Variants in SHOX observed in about 807,000 individuals in gnomAD.
SHOX encodes the protein SHOX homeobox.
Under a neutral mutation model 29.6 loss-of-function variants are expected in SHOX, and 12 were observed. The ratio of observed to expected loss-of-function variants is 0.41; its 90% CI spans 0.26 to 0.66. The LOEUF is 0.66. SHOX is among the 30% of genes least tolerant of loss of function. The pLI is 0.35. For missense variants in SHOX, 499 were observed against 437.7 expected (o/e 1.14, Z -1.25); for synonymous variants, 214 against 200.6 (o/e 1.07, Z -0.57).
chrX:638,972 CAGGGAGGTGGTGGTGGGGGAG>C (rs1569494373), intron 2 of SHOX, among the ~76,000 whole-genome samples: 1 of 152,056 alleles, frequency 6.6e-6, no homozygotes, highest in Non-Finnish European at 1.5e-5. Flanking sequence ...CTAAGACTGT[CAGGGAGGTGGTGGTGGGGGAG>C]AGGAGGGGGT....
rs1227165878 is a variant in SHOX at position 646,415 on chromosome X, A to G, written c.*1779A>G. On this transcript the variant is annotated 3_prime_UTR_variant, in exon 5 of 5. Coordinates refer to ENST00000686671, the MANE Select transcript of SHOX (RefSeq NM_000451.4). ...GAGAAACTATCTTCTCCCAACATTTACTAACATCCACTGGTCAACTCTCTT... is the reference window on the plus strand; with the variant it reads ...GAGAAACTATCTTCTCCCAACATTTGCTAACATCCACTGGTCAACTCTCTT... 1 of 151,658 alleles carries G rather than the reference A, an allele frequency of 6.6e-6. No homozygotes were observed. The highest frequency in any genetic ancestry group is 1.5e-5 in the Non-Finnish European group (1 of 67,984). The allele number at this position is 151,658 out of a possible 1,614,324, so 9.4% of individuals were successfully genotyped here. A position where few individuals can be genotyped will look rare whatever the true frequency, so the allele number is the denominator to read the frequency against.
upstream of SHOX, among the ~76,000 whole-genome samples, chrX:629,726 G>A (rs887072547): frequency 1.3e-5 from 2 of 152,050 alleles, no homozygotes; most frequent in Admixed American, 6.6e-5. Context: ...GTGGGGTTAC[G>A]GGAGGAAGGG....
In SHOX at chrX:630,804, C is replaced by T; in HGVS notation, c.-94C>T. The T allele has an allele frequency of 1.4e-6, 2 of 1,480,960 alleles. No individual in the cohort carries two copies. The highest frequency in any genetic ancestry group is 3.4e-5 in the Admixed American group (2 of 58,112). 91.7% of individuals were successfully genotyped at this position (1,480,960 alleles called of 1,614,324 possible). On this transcript the variant is annotated 5_prime_UTR_variant, in exon 1 of 5. Transcript: ENST00000686671. ...CAATGGAAAGGCGTAAATAACAGCG[C>T]TGGTGATCCACCCGCGCGCACGGGC...
intron 1 of SHOX, among the ~76,000 whole-genome samples, chrX:625,052 T>TCC (rs1556451917): frequency 3.6e-4 from 23 of 64,180 alleles, no homozygotes; most frequent in Admixed American, 2.0e-3. Context: ...CCTCCCTCTG[T>TCC]TCCTTCCTCC....
intron 2 of SHOX, among the ~76,000 whole-genome samples, chrX:640,611 A>T (rs1459559453): frequency 6.6e-6 from 1 of 152,052 alleles, no homozygotes; most frequent in Non-Finnish European, 1.5e-5. Context: ...AAAACAAAAA[A>T]TCCAAAAAAA....
At chrX:655,612 CTCTATATATATA>C (rs1172908177), downstream of SHOX, among the ~76,000 whole-genome samples, 9 of 15,698 alleles carry the variant, frequency 5.7e-4, no homozygotes, top group African/African-American at 2.3e-3. Context: ...CTCTCTCTCT[CTCTATATATATA>C]TATATATATA....
At chrX:624,377 C>A (rs2052460710) in exon 1 of SHOX, 3 of 100,684 alleles carry the variant, frequency 3.0e-5, no homozygotes, top group African/African-American at 7.6e-5. Flanking sequence ...AGAACAGGGG[C>A]TCCCCACACT....
chrX:631,235 A>T (rs2052643428), intron 1 of SHOX, 61 bp downstream of exon 1: 13 of 1,590,014 alleles, frequency 8.2e-6, no homozygotes, highest in African/African-American at 1.3e-5. Context: ...CCTCCTCGCC[A>T]CGGAGTCGGC....
At chrX:642,948 A>G (rs375171276) in intron 4 of SHOX, among the ~76,000 whole-genome samples, 317 of 64,720 alleles carry the variant, frequency 4.9e-3, no homozygotes, top group Middle Eastern at 0.012. Flanking sequence ...AGAGGCTTGG[A>G]GACCTGGTGT....
At chrX:642,039 T>C (rs2052862561) in intron 4 of SHOX, among the ~76,000 whole-genome samples, 1 of 152,178 alleles carries the variant, frequency 6.6e-6, no homozygotes, top group African/African-American at 2.4e-5. Flanking sequence ...AGCGTGGATT[T>C]GGGGCTTCCA....
chrX:631,092 C>A lies in SHOX; in HGVS notation c.195C>A (p.His65Gln), dbSNP rs777056573. 1 of 1,613,774 alleles carries A rather than the reference C, an allele frequency of 6.2e-7. No individual in the cohort carries two copies. Among genetic ancestry groups the A allele is most frequent in the South Asian group, 1.1e-5 (1 of 91,072 alleles). ...SLQDITEGGGHCPVHLFKDHV... is the reference protein window; with the variant it reads ...SLQDITEGGGQCPVHLFKDHV... Reference sequence around the variant, plus strand: ...AGGACATCACGGAGGGCGGCGGCCACTGCCCGGTGCATTTGTTCAAGGACC... The same window carrying A: ...AGGACATCACGGAGGGCGGCGGCCAATGCCCGGTGCATTTGTTCAAGGACC... The change falls in exon 1 of 5, where the codon CAC becomes CAA. Residue 65 changes from histidine (H) to glutamine (Q), a missense_variant. Physicochemically the swap from His to Gln is conservative, Grantham distance 24. Coordinates refer to ENST00000686671, the MANE Select transcript of SHOX (RefSeq NM_000451.4).
downstream of SHOX, among the ~76,000 whole-genome samples, chrX:654,050 T>A (rs1020986176): frequency 1.3e-5 from 2 of 152,194 alleles, no homozygotes; most frequent in African/African-American, 4.8e-5. Flanking sequence ...TAATTTCTTT[T>A]GTTTGAACTC....
chrX:645,484 G>C lies in SHOX; in HGVS notation c.*848G>C, dbSNP rs1460376192. The C allele has an allele frequency of 7.3e-6, 1 of 136,648 alleles. No individual in the cohort carries two copies. The highest frequency in any genetic ancestry group is 1.5e-5 in the Non-Finnish European group (1 of 65,946). 8.5% of individuals were successfully genotyped at this position (136,648 alleles called of 1,614,324 possible). A position where few individuals can be genotyped will look rare whatever the true frequency, so the allele number is the denominator to read the frequency against. On this transcript the variant is annotated 3_prime_UTR_variant, in exon 5 of 5. Transcript: ENST00000686671. Reference sequence around the variant, plus strand: ...TAAGAGACGGACGCGTGGTTGCAAGGTGTCATACTGATATGCAGCATTAAC... The same window carrying C: ...TAAGAGACGGACGCGTGGTTGCAAGCTGTCATACTGATATGCAGCATTAAC...
rs2053055489 is a variant in SHOX at position 651,187 on chromosome X, T to C, written c.*6551T>C. The stretch of plus-strand genomic sequence containing the variant: ...TGTAAATTTGACATCGCGTTGCATT[T>C]ATTTTTATATTTCTGAAAACTGTTG... On this transcript the variant is annotated 3_prime_UTR_variant, in exon 5 of 5. Coordinates refer to ENST00000686671, the MANE Select transcript of SHOX (RefSeq NM_000451.4). The C allele has an allele frequency of 2.4e-6, 1 of 418,606 alleles. No individual in the cohort carries two copies. Among genetic ancestry groups the C allele is most frequent in the Non-Finnish European group, 4.8e-6 (1 of 208,284 alleles). The allele number at this position is 418,606 out of a possible 1,614,324, so 25.9% of individuals were successfully genotyped here. A position where few individuals can be genotyped will look rare whatever the true frequency, so the allele number is the denominator to read the frequency against.
At position 650,870 on chromosome X, in the gene SHOX, T is replaced by C. The variant is rs774483129; in HGVS notation, c.*6234T>C. ...TTAGCTTAGCGAGTATATGCTGATA[T>C]TCTTCGACACACGTGGGTAAGTTGA... On this transcript the variant is annotated 3_prime_UTR_variant, in exon 5 of 5. Coordinates refer to ENST00000686671, the MANE Select transcript of SHOX (RefSeq NM_000451.4). 6.6e-6 allele frequency among the ~76,000 whole-genome samples: 1 copy of C among 151,186 alleles called. No homozygotes were observed. The highest frequency in any genetic ancestry group is 2.4e-5 in the African/African-American group (1 of 41,282).
chrX:625,922 T>G (rs1445738547), upstream of SHOX, among the ~76,000 whole-genome samples: 1 of 138,534 alleles, frequency 7.2e-6, no homozygotes, highest in Admixed American at 7.3e-5. Context: ...TCTGTATCTC[T>G]ATCTCTGTCT....
chrX:641,132 C>T (rs1355556035), intron 4 of SHOX, 45 bp downstream of exon 4: 9 of 1,546,656 alleles, frequency 5.8e-6, no homozygotes, highest in South Asian at 4.5e-5. Context: ...GGACCTGCTG[C>T]TCCCTTCCCC....
At chrX:624,714 T>C in intron 1 of SHOX, 5 of 141,748 alleles carry the variant, frequency 3.5e-5, no homozygotes, top group African/African-American at 1.4e-4. Flanking sequence ...TCTTTCTTTC[T>C]TTCTTTCTTT....
chrX:630,253 C>T (rs2052622243), upstream of SHOX, among the ~76,000 whole-genome samples: 1 of 152,104 alleles, frequency 6.6e-6, no homozygotes, highest in Non-Finnish European at 1.5e-5. Flanking sequence ...GGGCGCGCCG[C>T]CACCAACTTG....
Sources: allele counts gnomAD v4.1 joint callset (sites outside exome capture counted in the v4.1 genomes callset), GRCh38; gene constraint gnomAD v4.1.1; transcripts MANE v1.5; gene names NCBI Gene and HGNC (gene_info 2026-07-23, HGNC 2026-07-21).